The following GNAL variants were observed in gnomAD, a reference collection of about 807,000 sequenced individuals.
GNAL encodes the protein G protein subunit alpha L.
GNAL carries 18 observed loss-of-function variants against 55.1 expected under a neutral mutation model. The observed-to-expected ratio is 0.33, with a 90% CI of 0.23 to 0.48. The LOEUF is 0.48. Ranked by LOEUF, GNAL falls within the 20% of genes least tolerant of loss-of-function variation. The pLI is 0.99. For missense variants in GNAL, 412 were observed against 614.1 expected (o/e 0.67, Z 3.48); for synonymous variants, 253 against 237.0 (o/e 1.07, Z -0.62).
At chr18:11,697,906 C>T (rs1353676626) in intron 1 of GNAL, among the ~76,000 whole-genome samples, 1 of 152,190 alleles carries the variant, frequency 6.6e-6, no homozygotes, top group East Asian at 1.9e-4. Context: ...CTCAGAGAGG[C>T]TGCAGAGCCA....
At chr18:11,869,855 G>A (rs533891529) in intron 9 of GNAL, among the ~76,000 whole-genome samples, 2 of 152,268 alleles carry the variant, frequency 1.3e-5, no homozygotes, top group East Asian at 3.9e-4. Flanking sequence ...GTTACAGTAA[G>A]CTGCGATTGC....
In GNAL at chr18:11,883,118, T is replaced by C. The variant is rs1292800548; in HGVS notation, c.*1983T>C. 3.3e-5 allele frequency: 5 copies of C among 151,958 alleles called. No individual in the cohort carries two copies. The highest frequency in any genetic ancestry group is 7.3e-5 in the Non-Finnish European group (5 of 68,038). The allele number at this position is 151,958 out of a possible 1,614,324, so 9.4% of individuals were successfully genotyped here. On this transcript the variant is annotated 3_prime_UTR_variant, in exon 12 of 12. Transcript: ENST00000334049. ...TCTATAAATCAGCATTTTGTAATCC[T>C]TTATAAACTCATCCAGATTTAAATG...
rs180784807 is a variant in GNAL, at chr18:11,774,840, G to C, written c.624+20895G>C. On this transcript the variant is annotated intron_variant, in intron 4 of 11. Coordinates refer to ENST00000334049, the MANE Select transcript of GNAL (RefSeq NM_182978.4). ...TTCACCATCCCTCATTTTGATTTTT[G>C]TTTGCAGAGTTTAGGTCGATAGACA... Among the ~76,000 whole-genome samples the C allele has an allele frequency of 3.3e-5, 5 of 152,268 alleles. No homozygotes were observed. In the South Asian group the frequency reaches 1.0e-3, roughly 32 times the overall value.
chr18:11,705,043 A>G (rs1450395438), intron 1 of GNAL, among the ~76,000 whole-genome samples: 1 of 152,186 alleles, frequency 6.6e-6, no homozygotes, highest in Non-Finnish European at 1.5e-5. Context: ...ACAACGTTGT[A>G]CAGCAGAGCT....
intron 4 of GNAL, among the ~76,000 whole-genome samples, chr18:11,800,861 TTG>T (rs2034504538): frequency 6.6e-6 from 1 of 152,224 alleles, no homozygotes; most frequent in African/African-American, 2.4e-5. Context: ...GCCAGAAAAG[TTG>T]CTTTCTAAAT....
At chr18:11,713,246 C>A (rs1051276761) in intron 1 of GNAL, among the ~76,000 whole-genome samples, 2 of 152,206 alleles carry the variant, frequency 1.3e-5, no homozygotes, top group Non-Finnish European at 2.9e-5. Flanking sequence ...TTGTGTTCGG[C>A]AGACTCAAAG....
At chr18:11,784,360 C>T (rs950240765) in intron 4 of GNAL, among the ~76,000 whole-genome samples, 4 of 152,336 alleles carry the variant, frequency 2.6e-5, no homozygotes, top group African/African-American at 9.6e-5. Context: ...AACCACGTGG[C>T]CACAGGTGTT....
chr18:11,755,022 GTGTGTGTA>G (rs1484759020), intron 4 of GNAL, among the ~76,000 whole-genome samples: 88 of 149,690 alleles, frequency 5.9e-4, no homozygotes, highest in African/African-American at 1.8e-3. Context: ...GTGTGTGTGT[GTGTGTGTA>G]TGTGTATTCA....
At chr18:11,770,137 T>C (rs2033588041) in intron 4 of GNAL, among the ~76,000 whole-genome samples, 1 of 152,214 alleles carries the variant, frequency 6.6e-6, no homozygotes, top group African/African-American at 2.4e-5. Flanking sequence ...ACCTGCATTA[T>C]GAATTTAACT....
intron 5 of GNAL, among the ~76,000 whole-genome samples, chr18:11,835,961 AT>A (rs2035489196): frequency 6.6e-6 from 1 of 152,090 alleles, no homozygotes; most frequent in Non-Finnish European, 1.5e-5. Flanking sequence ...CCTGGGTAAC[AT>A]GTTGAGACCT....
At chr18:11,716,716 A>C (rs1019444184) in intron 1 of GNAL, among the ~76,000 whole-genome samples, 2 of 152,142 alleles carry the variant, frequency 1.3e-5, no homozygotes, top group African/African-American at 4.8e-5. Flanking sequence ...CTAGATACAG[A>C]GTGTCGATTG....
intron 4 of GNAL, among the ~76,000 whole-genome samples, chr18:11,767,299 G>T (rs1340383059): frequency 6.6e-6 from 1 of 151,010 alleles, no homozygotes; most frequent in Non-Finnish European, 1.5e-5. Context: ...TTGCACATTT[G>T]CTCTCTGTGC....
At chr18:11,731,438 C>T (rs1020065000) in intron 1 of GNAL, among the ~76,000 whole-genome samples, 21 of 152,204 alleles carry the variant, frequency 1.4e-4, no homozygotes, top group Non-Finnish European at 7.3e-5. Context: ...CGTGAGCCAC[C>T]GTGCCCGACT....
chr18:11,756,490 A>T (rs572165589), intron 4 of GNAL, among the ~76,000 whole-genome samples: 1 of 151,862 alleles, frequency 6.6e-6, no homozygotes, highest in Non-Finnish European at 1.5e-5. Context: ...TTAAATGTCT[A>T]TGCACATGTC....
chr18:11,735,907 C>T (rs950581886), intron 1 of GNAL, among the ~76,000 whole-genome samples: 2 of 152,138 alleles, frequency 1.3e-5, no homozygotes, highest in Non-Finnish European at 2.9e-5. Context: ...AACCTCCCTT[C>T]CTGGGTCCCA....
At chr18:11,857,363 AAGC>A (rs2036031878) in intron 5 of GNAL, 1 of 396,326 alleles carries the variant, frequency 2.5e-6, no homozygotes, top group Admixed American at 6.4e-5. Context: ...GGGGGAAAAA[AAGC>A]AGGAATGACA....
chr18:11,834,792 C>G lies in GNAL; in HGVS notation c.722+9777C>G, dbSNP rs375174609. 1.1e-4 allele frequency among the ~76,000 whole-genome samples: 17 copies of G among 152,334 alleles called. No homozygotes were observed. The South Asian group carries it at 2.3e-3, about 20-fold the overall frequency. ...TAACAGCTCTTCACATTCTTTAACA[C>G]AAATGTGACATCTGATAAACGTTAT... On this transcript the variant is annotated intron_variant, in intron 5 of 11. Transcript: ENST00000334049.
chr18:11,747,061 C>T lies in GNAL; in HGVS notation c.377-5792C>T, dbSNP rs541405187. ...AGGGTTATGTATATTTTCATGAGGC[C>T]GAGGAGAGAGAGGCCTCTGAAGGAG... On this transcript the variant is annotated intron_variant, in intron 1 of 11. Transcript: ENST00000334049. The T allele has an allele frequency of 8.0e-4, 355 of 444,374 alleles. 1 individual carries two copies. The highest frequency in any genetic ancestry group is 2.4e-3 in the South Asian group (136 of 56,788). 27.5% of individuals were successfully genotyped at this position (444,374 alleles called of 1,614,324 possible).
rs76858524 is a variant in GNAL at position 11,831,542 on chromosome 18, G to A, written c.722+6527G>A. Among the ~76,000 whole-genome samples, 1,369 of 152,334 alleles carry A rather than the reference G, an allele frequency of 9.0e-3. 13 individuals are homozygous for A. The highest frequency in any genetic ancestry group is 0.031 in the African/African-American group (1,296 of 41,574). On this transcript the variant is annotated intron_variant, in intron 5 of 11. Transcript: ENST00000334049. The stretch of plus-strand genomic sequence containing the variant: ...CATGCAAGGAATGGAAACTTACCAA[G>A]TGACTTCAAGAAAAGGGGGGTTTTC...
Sources: gnomAD v4.1 joint callset for allele counts (sites outside exome capture counted in the v4.1 genomes callset) on GRCh38, gnomAD v4.1.1 for gene constraint, MANE v1.5 for transcripts, NCBI Gene and HGNC (gene_info 2026-07-23, HGNC 2026-07-21) for gene names.